Variants in ANXA6 observed in about 807,000 individuals in gnomAD.
ANXA6 encodes the protein 67 kDa calelectrin.
ANXA6 carries 71 observed loss-of-function variants against 95.4 expected under a neutral mutation model. That is an observed-to-expected ratio of 0.74 (90% CI 0.61 to 0.91). The LOEUF is 0.91. Among genes scored for constraint, ANXA6 ranks in the 40% least tolerant of loss-of-function variants. ANXA6 has a pLI of 0.00. For missense variants in ANXA6, 830 were observed against 876.4 expected (o/e 0.95, Z 0.67); for synonymous variants, 289 against 315.9 (o/e 0.91, Z 0.90).
chr5:151,132,689 G>C, intron 9 of ANXA6, 118 bp from the exon 10 acceptor site: 1 of 815,812 alleles, frequency 1.2e-6, no homozygotes. Context: ...ATGAAGCTAG[G>C]GCTGGTGCTA....
chr5:151,141,611 G>A, intron 2 of ANXA6: 1 of 985,466 alleles, frequency 1.0e-6, no homozygotes, highest in Non-Finnish European at 1.2e-6. Context: ...CCCAACGTCT[G>A]CACTGCAGGA....
Position 151,131,366 on chromosome 5 carries a change from T to A in ANXA6, c.737-77A>T, listed in dbSNP as rs146731255. The A allele has an allele frequency of 1.0e-4, 151 of 1,462,412 alleles. 2 individuals are homozygous for A. In the African/African-American group the frequency reaches 2.0e-3, roughly 19 times the overall value. 90.6% of individuals were successfully genotyped at this position (1,462,412 alleles called of 1,614,324 possible). A position where few individuals can be genotyped will look rare whatever the true frequency, so the allele number is the denominator to read the frequency against. ...ATGGGATGGCCTGACTCCCTCTTTGTTTCTATTCCTTGAGGGCCACCTAGC... is the reference window on the plus strand; with the variant it reads ...ATGGGATGGCCTGACTCCCTCTTTGATTCTATTCCTTGAGGGCCACCTAGC... On this transcript the variant is annotated intron_variant, in intron 10 of 25. Transcript: ENST00000354546.
intron 2 of ANXA6, among the ~76,000 whole-genome samples, chr5:151,145,320 T>C (rs1765945389): frequency 6.6e-6 from 1 of 152,236 alleles, no homozygotes; most frequent in Non-Finnish European, 1.5e-5. Context: ...GACCTAGGTC[T>C]CACCTCCACA....
intron 23 of ANXA6, among the ~76,000 whole-genome samples, chr5:151,106,052 A>G (rs1561563955): frequency 6.6e-6 from 1 of 152,328 alleles, no homozygotes; most frequent in East Asian, 1.9e-4. Context: ...ATTGCTCCAA[A>G]GAATGACTGT....
Position 151,119,405 on chromosome 5 carries a change from C to T in ANXA6, c.1348-15G>A. 2 of 1,611,726 alleles carry T rather than the reference C, an allele frequency of 1.2e-6. No homozygotes were observed. Among genetic ancestry groups the T allele is most frequent in the Non-Finnish European group, 1.7e-6 (2 of 1,177,950 alleles). ...GTGCCGGCTCCCTGGAATGTCAAGG[C>T]AAAGATGATCTCAGCCATAGTTCTG... On this transcript the variant is annotated splice_polypyrimidine_tract_variant and intron_variant, in intron 17 of 25. Coordinates refer to ENST00000354546, the MANE Select transcript of ANXA6 (RefSeq NM_001155.5).
rs762084810 is a variant in ANXA6 at position 151,132,466 on chromosome 5, C to T, written c.736+10G>A. ...CCTAAAGCCCCCAGGAATGCAACGT[C>T]AGGACATACCTACGGCCAGCATTAG... On this transcript the variant is annotated intron_variant, in intron 10 of 25. Transcript: ENST00000354546. The T allele has an allele frequency of 1.9e-6, 3 of 1,607,268 alleles. No individual in the cohort carries two copies. Among genetic ancestry groups the T allele is most frequent in the Non-Finnish European group, 2.5e-6 (3 of 1,176,738 alleles).
At chr5:151,116,658 G>A (rs1765008021) in intron 20 of ANXA6, among the ~76,000 whole-genome samples, 1 of 152,198 alleles carries the variant, frequency 6.6e-6, no homozygotes, top group South Asian at 2.1e-4. Context: ...TCCAGCCCTT[G>A]AGGAACTTAC....
Position 151,137,250 on chromosome 5 carries a change from C to G in ANXA6, c.390G>C (p.Leu130=). 3.1e-6 allele frequency: 5 copies of G among 1,613,660 alleles called. No individual in the cohort carries two copies. Among genetic ancestry groups the G allele is most frequent in the Non-Finnish European group, 4.2e-6 (5 of 1,179,758 alleles). Residue 130 remains leucine, a synonymous_variant, in exon 6 of 26, where the codon CTG becomes CTC. Transcript: ENST00000354546. ...TCTCACCATCTTTGTATGCTGCCAC[C>G]AGCTGGTGCATCTGCTCATTGGTCC... ...ASRTNEQMHQ[L]VAAYKDAYER...
chr5:151,121,124 C>T (rs748483901), intron 17 of ANXA6, among the ~76,000 whole-genome samples: 2 of 152,316 alleles, frequency 1.3e-5, no homozygotes, highest in Admixed American at 6.5e-5. Flanking sequence ...CTCTAGCTCC[C>T]CATTGCTGCC....
chr5:151,137,296 A>AG lies in ANXA6; in HGVS notation c.343dup (p.Leu115ProfsTer3). On this transcript the variant is annotated frameshift_variant, in exon 6 of 26. Coordinates refer to ENST00000354546, the MANE Select transcript of ANXA6 (RefSeq NM_001155.5). LOFTEE classifies it high-confidence loss of function. ...GGTCCGGGAAGCCAAGATCTCAATG[A>AG]GGCACTTCTCATCAGTGCCAATGCC... The AG allele has an allele frequency of 6.2e-7, 1 of 1,613,416 alleles. No homozygotes were observed. The highest frequency in any genetic ancestry group is 8.5e-7 in the Non-Finnish European group (1 of 1,179,776).
At chr5:151,134,704 C>T (rs1258987541) in intron 7 of ANXA6, among the ~76,000 whole-genome samples, 1 of 152,162 alleles carries the variant, frequency 6.6e-6, no homozygotes, top group Non-Finnish European at 1.5e-5. Flanking sequence ...GCTGGGTCCA[C>T]ACAGGAGAGT....
In ANXA6 at chr5:151,148,900, C is replaced by T. The variant is rs535289455; in HGVS notation, c.-25-974G>A. 6.6e-5 allele frequency among the ~76,000 whole-genome samples: 10 copies of T among 151,948 alleles called. No homozygotes were observed. The South Asian group carries it at 1.7e-3, about 25-fold the overall frequency. ...TAAAGACTGGATTTTTCAGGCTGGTCGTGGTAGCTCATGCCTATAATTCTG... is the reference window on the plus strand; with the variant it reads ...TAAAGACTGGATTTTTCAGGCTGGTTGTGGTAGCTCATGCCTATAATTCTG... On this transcript the variant is annotated intron_variant, in intron 1 of 25. Transcript: ENST00000354546.
At chr5:151,144,137 T>G (rs1266515428) in intron 2 of ANXA6, among the ~76,000 whole-genome samples, 22 of 152,204 alleles carry the variant, frequency 1.4e-4, no homozygotes, top group Non-Finnish European at 1.5e-5. Context: ...TGGGCTGGCC[T>G]GGGCACAACA....
rs890741722 is a variant in ANXA6 at position 151,109,836 on chromosome 5, T to A, written c.1601A>T (p.Asp534Val). The A allele has an allele frequency of 6.2e-7, 1 of 1,605,036 alleles. No individual in the cohort carries two copies. The highest frequency in any genetic ancestry group is 8.5e-7 in the Non-Finnish European group (1 of 1,175,252). Residue 534 changes from aspartate to valine, a missense_variant, in exon 22 of 26, where the codon GAC becomes GTC. Coordinates refer to ENST00000354546, the MANE Select transcript of ANXA6 (RefSeq NM_001155.5). ...QVAAEILEIA[D>V]TPSGDKTSLE... ...GGAAGTTTTGTCTCCACTAGGTGTG[T>A]CTGCTATTTCCTGCAGAGCCCCAGT...
intron 8 of ANXA6, 36 bp downstream of exon 8, chr5:151,134,391 G>T (rs1483019792): frequency 6.2e-7 from 1 of 1,610,702 alleles, no homozygotes; most frequent in East Asian, 2.2e-5. Flanking sequence ...AGGCTCTTCT[G>T]CTGTGCCTCA....
chr5:151,124,386 G>C lies in ANXA6; in HGVS notation c.1057-19C>G. On this transcript the variant is annotated intron_variant, in intron 14 of 25. Coordinates refer to ENST00000354546, the MANE Select transcript of ANXA6 (RefSeq NM_001155.5). ...CCTTCAGCTGTGAGAAGCAGAAAGA[G>C]ACTCAGCAGGTGTCTGAAGGCCCCC... is the stretch of plus-strand genomic sequence containing the variant. 1 of 1,600,070 alleles carries C rather than the reference G, an allele frequency of 6.2e-7. No individual in the cohort carries two copies. The highest frequency in any genetic ancestry group is 8.5e-7 in the Non-Finnish European group (1 of 1,173,168).
intron 11 of ANXA6, among the ~76,000 whole-genome samples, 176 bp from the exon 12 acceptor site, chr5:151,129,705 G>GTTTA (rs1470488593): frequency 1.2e-4 from 18 of 149,408 alleles, no homozygotes; most frequent in South Asian, 1.0e-3. Flanking sequence ...TGTTTTGTTT[G>GTTTA]TTTGTTTGTT....
intron 2 of ANXA6, among the ~76,000 whole-genome samples, chr5:151,147,558 G>A (rs928816713): frequency 2.0e-5 from 3 of 152,068 alleles, no homozygotes; most frequent in Non-Finnish European, 1.5e-5. Context: ...TGAAGCCACC[G>A]GAAGAAGCCC....
intron 4 of ANXA6, 95 bp downstream of exon 4, chr5:151,139,258 A>T: frequency 1.1e-6 from 1 of 872,736 alleles, no homozygotes; most frequent in Non-Finnish European, 1.8e-6. Context: ...GCTAACCTGG[A>T]GTGCCATATC....
Sources: gnomAD v4.1 joint callset for allele counts (sites outside exome capture counted in the v4.1 genomes callset) on GRCh38, gnomAD v4.1.1 for gene constraint, MANE v1.5 for transcripts, NCBI Gene and HGNC (gene_info 2026-07-23, HGNC 2026-07-21) for gene names.